The following CADPS variants were observed in gnomAD, a reference collection of about 807,000 sequenced individuals.
CADPS encodes calcium dependent secretion activator, also known as calcium-dependent secretion activator 1.
In CADPS, 57 loss-of-function variants were observed where a neutral mutation model predicts 167.3. That is an observed-to-expected ratio of 0.34 (90% CI 0.28 to 0.42). The LOEUF is 0.42. CADPS is among the 20% of genes least tolerant of loss of function. The pLI is 1.00. For synonymous variants in CADPS, 676 were observed against 635.3 expected (o/e 1.06, Z -0.96); for missense variants, 1,414 against 1,738.1 (o/e 0.81, Z 3.32).
At chr3:62,871,471 ATGT>A (rs558261622) in intron 1 of CADPS, among the ~76,000 whole-genome samples, 4 of 152,258 alleles carry the variant, frequency 2.6e-5, no homozygotes, top group African/African-American at 9.6e-5. Flanking sequence ...TACACCTGAC[ATGT>A]TGTTAGGATT....
At chr3:62,494,669 A>ATTTTTTTT (rs56153630) in intron 18 of CADPS, among the ~76,000 whole-genome samples, 5,136 of 118,098 alleles carry the variant, frequency 0.043, 204 homozygotes, top group African/African-American at 0.068. Flanking sequence ...CTTACCAGCA[A>ATTTTTTTT]TTTTTTTTTT....
intron 1 of CADPS, among the ~76,000 whole-genome samples, chr3:62,811,494 T>C (rs1011334654): frequency 1.3e-5 from 2 of 152,226 alleles, no homozygotes; most frequent in African/African-American, 2.4e-5. Context: ...CTACCATTTG[T>C]AGATTAAGGA....
rs60203483 is a variant in CADPS, at chr3:62,412,146, A to ATTTT, written c.3778-8965_3778-8962dup. 2.1e-5 allele frequency among the ~76,000 whole-genome samples: 3 copies of ATTTT among 140,494 alleles called. No homozygotes were observed. The highest frequency in any genetic ancestry group is 3.1e-5 in the Non-Finnish European group (2 of 65,476). 92.2% of individuals were successfully genotyped at this position (140,494 alleles called of 152,430 possible). ...AGTGTCATTTTTAGTTGAGGGTAGG[A>ATTTT]TTTTTTTTTTTTTTTTTTAACGTCC... On this transcript the variant is annotated intron_variant, in intron 28 of 29. Transcript: ENST00000383710. The surrounding 1 kb of genome is among the most constrained non-coding windows in gnomAD (Gnocchi z 4.1).
intron 1 of CADPS, among the ~76,000 whole-genome samples, chr3:62,873,629 T>A (rs2083064676): frequency 1.3e-5 from 2 of 151,242 alleles, no homozygotes; most frequent in South Asian, 2.1e-4. Context: ...TTTTTTTTTT[T>A]TTTTTAACAT....
intron 6 of CADPS, among the ~76,000 whole-genome samples, chr3:62,610,893 G>A (rs1398762976): frequency 2.0e-5 from 3 of 151,634 alleles, no homozygotes; most frequent in East Asian, 2.0e-4. Context: ...GGGGGTGTGG[G>A]GGGCTGATTT....
intron 1 of CADPS, among the ~76,000 whole-genome samples, chr3:62,793,911 T>C (rs1489253729): frequency 6.6e-6 from 1 of 152,174 alleles, no homozygotes; most frequent in Non-Finnish European, 1.5e-5. Context: ...AATTTGTTGT[T>C]GGGGTCTGTG....
intron 6 of CADPS, among the ~76,000 whole-genome samples, chr3:62,617,945 C>T (rs975953346): frequency 3.2e-4 from 49 of 152,154 alleles, no homozygotes; most frequent in Non-Finnish European, 2.9e-5. Context: ...TTCTTTGGGA[C>T]TACCTCTCCT....
At chr3:62,658,379 A>G (rs895730250) in intron 4 of CADPS, among the ~76,000 whole-genome samples, 4 of 152,270 alleles carry the variant, frequency 2.6e-5, no homozygotes, top group African/African-American at 9.6e-5. Context: ...AGTAAAGGGC[A>G]TAATGGATCC....
At chr3:62,791,383 G>A (rs1576457309) in intron 1 of CADPS, among the ~76,000 whole-genome samples, 1 of 152,124 alleles carries the variant, frequency 6.6e-6, no homozygotes, top group African/African-American at 2.4e-5. Context: ...TGCAGCTCAG[G>A]TTACAGCCTT....
chr3:62,580,585 TAAAAAAAAA>T, intron 8 of CADPS, among the ~76,000 whole-genome samples: 1 of 125,038 alleles, frequency 8.0e-6, no homozygotes, highest in Non-Finnish European at 1.8e-5. Context: ...TAAAGTATAA[TAAAAAAAAA>T]TAAAAAAAAA....
intron 2 of CADPS, among the ~76,000 whole-genome samples, chr3:62,759,794 TTGTC>T (rs1279938420): frequency 6.6e-6 from 1 of 152,154 alleles, no homozygotes; most frequent in Non-Finnish European, 1.5e-5. Context: ...TTTTTCTACA[TTGTC>T]TGTTTTATTT....
chr3:62,510,415 T>A (rs1023579956), intron 17 of CADPS, among the ~76,000 whole-genome samples: 2 of 152,116 alleles, frequency 1.3e-5, no homozygotes, highest in African/African-American at 4.8e-5. Context: ...AAAACAGCAA[T>A]AGTAGTGTAG....
At chr3:62,830,256 C>T (rs879720309) in intron 1 of CADPS, among the ~76,000 whole-genome samples, 2 of 152,168 alleles carry the variant, frequency 1.3e-5, no homozygotes, top group African/African-American at 4.8e-5. Context: ...AATTCTCCCC[C>T]TCCCCTAGCC....
At chr3:62,419,426 C>T (rs557478607) in intron 28 of CADPS, among the ~76,000 whole-genome samples, 4 of 152,286 alleles carry the variant, frequency 2.6e-5, no homozygotes, top group Non-Finnish European at 5.9e-5. Context: ...AAGGAACTTA[C>T]TGTTTTGAGA....
intron 26 of CADPS, among the ~76,000 whole-genome samples, chr3:62,464,492 A>G (rs905318663): frequency 6.6e-6 from 1 of 152,196 alleles, no homozygotes; most frequent in Non-Finnish European, 1.5e-5. Context: ...ATGGCAGGGA[A>G]GCATGCAGCT....
At chr3:62,715,792 T>G (rs911083083) in intron 3 of CADPS, among the ~76,000 whole-genome samples, 6 of 140,194 alleles carry the variant, frequency 4.3e-5, no homozygotes, top group Non-Finnish European at 4.6e-5. Context: ...AGTCTTGCTG[T>G]GTCGCCCAGG....
intron 9 of CADPS, among the ~76,000 whole-genome samples, chr3:62,561,827 T>C (rs2079217058): frequency 6.6e-6 from 1 of 152,194 alleles, no homozygotes; most frequent in Admixed American, 6.5e-5. Flanking sequence ...CCATCATTCT[T>C]TGAAAATTAA....
chr3:62,726,415 A>G (rs1228533944), intron 3 of CADPS, among the ~76,000 whole-genome samples: 3 of 152,034 alleles, frequency 2.0e-5, no homozygotes, highest in South Asian at 2.1e-4. Flanking sequence ...TCCAGACTAA[A>G]GAGTCATACC....
At chr3:62,538,932 T>C (rs2075235183) in intron 11 of CADPS, among the ~76,000 whole-genome samples, 1 of 152,154 alleles carries the variant, frequency 6.6e-6, no homozygotes, top group Non-Finnish European at 1.5e-5. Flanking sequence ...AATGGCTCAA[T>C]GAATGCAGCT....
Sources: gnomAD v4.1 joint callset for allele counts (sites outside exome capture counted in the v4.1 genomes callset) on GRCh38, gnomAD v4.1.1 for gene constraint, Gnocchi (gnomAD v3.1) non-coding constraint, MANE v1.5 for transcripts, NCBI Gene and HGNC (gene_info 2026-07-23, HGNC 2026-07-21) for gene names.